The following DEPTOR variants were observed in gnomAD, a reference collection of about 807,000 sequenced individuals.
The protein encoded by DEPTOR is DEP domain-containing mTOR-interacting protein.
DEPTOR carries 41 observed loss-of-function variants against 41.6 expected under a neutral mutation model. That is an observed-to-expected ratio of 0.98 (90% CI 0.77 to 1.28). DEPTOR has a LOEUF of 1.28. Among genes scored for constraint, DEPTOR ranks in the 50% most tolerant of loss-of-function variants. DEPTOR has a pLI of 0.00. For missense variants in DEPTOR, 514 were observed against 527.9 expected, an observed-to-expected ratio of 0.97 and a Z score of 0.26; for synonymous variants, 195 against 192.3, an observed-to-expected ratio of 1.01 and a Z score of -0.12.
At position 120,002,776 on chromosome 8, in the gene DEPTOR, C is replaced by CAA. The variant is rs1173820465; in HGVS notation, c.791-186_791-185dup. ...TGTGCAACAGGGCAAGACTCCATCT[C>CAA]AAAAAAAAAAAAAAAATATATATAT... is the stretch of plus-strand genomic sequence containing the variant. On this transcript the variant is annotated intron_variant, in intron 5 of 8. Transcript: ENST00000286234. Among the ~76,000 whole-genome samples, 281 of 54,326 alleles carry CAA rather than the reference C, an allele frequency of 5.2e-3. 14 individuals are homozygous for CAA. Among genetic ancestry groups the CAA allele is most frequent in the Admixed American group, 5.6e-3 (19 of 3,398 alleles). 35.6% of individuals were successfully genotyped at this position (54,326 alleles called of 152,430 possible).
intron 4 of DEPTOR, among the ~76,000 whole-genome samples, chr8:119,995,917 T>C (rs1812252110): frequency 6.6e-6 from 1 of 152,196 alleles, no homozygotes; most frequent in South Asian, 2.1e-4. Context: ...TTATATATAT[T>C]AAACCTAAAA....
At chr8:120,016,585 G>A (rs1014211613) in intron 8 of DEPTOR, among the ~76,000 whole-genome samples, 1 of 151,748 alleles carries the variant, frequency 6.6e-6, no homozygotes, top group African/African-American at 2.4e-5. Flanking sequence ...GTAGGTGTGA[G>A]CCACCATGCC....
intron 1 of DEPTOR, among the ~76,000 whole-genome samples, chr8:119,904,725 ACCTCAGGTGATCCACCTACCTCGG>A (rs1827639895): frequency 6.6e-6 from 1 of 151,240 alleles, no homozygotes; most frequent in South Asian, 2.1e-4. Context: ...CGAACTCCTG[ACCTCAGGTGATCCACCTACCTCGG>A]CCTCCCAAAG....
chr8:119,912,530 T>C (rs1385212543), intron 1 of DEPTOR, among the ~76,000 whole-genome samples: 2 of 152,238 alleles, frequency 1.3e-5, no homozygotes, highest in African/African-American at 4.8e-5. Context: ...TGAGAACACT[T>C]CTGAAGATTT....
chr8:119,910,087 A>G (rs1312147855), intron 1 of DEPTOR, among the ~76,000 whole-genome samples: 1 of 152,214 alleles, frequency 6.6e-6, no homozygotes, highest in Non-Finnish European at 1.5e-5. Context: ...AGGTGTATGT[A>G]GATATATGAA....
At chr8:120,048,100 G>T (rs1813180428) in intron 8 of DEPTOR, among the ~76,000 whole-genome samples, 2 of 152,176 alleles carry the variant, frequency 1.3e-5, no homozygotes, top group South Asian at 4.2e-4. Flanking sequence ...TAATCTCAGG[G>T]AGCCTGCGAA....
At chr8:119,900,344 A>G (rs1188660450) in intron 1 of DEPTOR, among the ~76,000 whole-genome samples, 7 of 105,954 alleles carry the variant, frequency 6.6e-5, no homozygotes, top group Admixed American at 1.3e-4. Flanking sequence ...AAAAGAAAAA[A>G]AAAAAAAAAC....
intron 3 of DEPTOR, among the ~76,000 whole-genome samples, chr8:119,937,104 C>T (rs2129879473): frequency 1.3e-5 from 2 of 151,878 alleles, no homozygotes; most frequent in East Asian, 3.9e-4. Flanking sequence ...TTACAAATTG[C>T]AAACTGTAAT....
chr8:119,932,200 A>G (rs1285159804), intron 3 of DEPTOR, among the ~76,000 whole-genome samples: 7 of 151,720 alleles, frequency 4.6e-5, no homozygotes, highest in South Asian at 2.1e-4. Flanking sequence ...GTTCAGGCTG[A>G]TATCAAACTC....
intron 8 of DEPTOR, among the ~76,000 whole-genome samples, chr8:120,034,542 G>A (rs761813515): frequency 7.0e-6 from 1 of 142,282 alleles, no homozygotes; most frequent in Non-Finnish European, 1.5e-5. Context: ...CCACCTCCCG[G>A]GTTCAAGCAA....
intron 4 of DEPTOR, among the ~76,000 whole-genome samples, chr8:119,999,905 G>C (rs370872903): frequency 1.3e-5 from 2 of 152,126 alleles, no homozygotes; most frequent in Non-Finnish European, 2.9e-5. Context: ...CTCTACGTGT[G>C]ATAAAACCGC....
At chr8:119,924,840 G>A (rs1185267795) in intron 1 of DEPTOR, among the ~76,000 whole-genome samples, 1 of 152,118 alleles carries the variant, frequency 6.6e-6, no homozygotes, top group Non-Finnish European at 1.5e-5. Flanking sequence ...CGCCACCCAG[G>A]TAATGAGCAT....
chr8:119,947,831 T>C (rs1325099312), intron 3 of DEPTOR, among the ~76,000 whole-genome samples: 2 of 152,176 alleles, frequency 1.3e-5, no homozygotes, highest in East Asian at 3.9e-4. Context: ...TCCATGGCTA[T>C]CACCTATAGG....
chr8:119,898,119 GTAT>G (rs768548596), intron 1 of DEPTOR, among the ~76,000 whole-genome samples: 21 of 152,112 alleles, frequency 1.4e-4, no homozygotes, highest in Non-Finnish European at 2.9e-4. Flanking sequence ...ACTGATTTAC[GTAT>G]TGTCTACAAC....
chr8:119,910,187 TCTAAGTATATAGAACA>T (rs1258769306), intron 1 of DEPTOR, among the ~76,000 whole-genome samples: 1 of 152,220 alleles, frequency 6.6e-6, no homozygotes, highest in African/African-American at 2.4e-5. Context: ...AAAATTTGAC[TCTAAGTATATAGAACA>T]CCTGCAAAAG....
intron 4 of DEPTOR, among the ~76,000 whole-genome samples, chr8:119,981,927 A>G (rs1828772637): frequency 6.7e-6 from 1 of 148,992 alleles, no homozygotes; most frequent in Non-Finnish European, 1.5e-5. Context: ...AGGCAGGAGA[A>G]TCACTTGACC....
chr8:119,997,966 G>A lies in DEPTOR; in HGVS notation c.605-3559G>A, dbSNP rs184423368. 6.5e-4 allele frequency among the ~76,000 whole-genome samples: 99 copies of A among 152,246 alleles called. 1 individual carries two copies. Among genetic ancestry groups the A allele is most frequent in the African/African-American group, 2.2e-3 (92 of 41,542 alleles). On this transcript the variant is annotated intron_variant, in intron 4 of 8. Coordinates refer to ENST00000286234, the MANE Select transcript of DEPTOR (RefSeq NM_022783.4). ...TGAATTTTACAATCCAAAAAAAGTT[G>A]CCAGGATTGAATTTTTTGTTTAACT...
intron 3 of DEPTOR, among the ~76,000 whole-genome samples, chr8:119,954,866 G>A (rs769082650): frequency 1.4e-3 from 211 of 151,990 alleles, no homozygotes; most frequent in Non-Finnish European, 2.2e-3. Context: ...GTGTGTGTGT[G>A]TGTGTGTGTT....
chr8:119,884,985 A>G lies in DEPTOR; in HGVS notation c.122+11017A>G, dbSNP rs190611944. Among the ~76,000 whole-genome samples the G allele has an allele frequency of 5.6e-3, 847 of 152,290 alleles. 11 individuals are homozygous for G. The highest frequency in any genetic ancestry group is 0.019 in the African/African-American group (806 of 41,568). The stretch of plus-strand genomic sequence containing the variant: ...GAGATGAGGTTTTACCATGTTGTCC[A>G]GGCTGGTCTCAAACTTTTGAGCTCA... On this transcript the variant is annotated intron_variant, in intron 1 of 8. Coordinates refer to ENST00000286234, the MANE Select transcript of DEPTOR (RefSeq NM_022783.4).
Sources: allele counts gnomAD v4.1 joint callset (sites outside exome capture counted in the v4.1 genomes callset), GRCh38; gene constraint gnomAD v4.1.1; transcripts MANE v1.5; gene names NCBI Gene and HGNC (gene_info 2026-07-23, HGNC 2026-07-21).